The following SLIT1 variants were observed in gnomAD, a reference collection of about 807,000 sequenced individuals.
SLIT1 encodes slit homolog 1 protein.
A neutral mutation model predicts 186.1 loss-of-function variants in SLIT1; 66 were observed. That is an observed-to-expected ratio of 0.35 (90% CI 0.29 to 0.44). SLIT1 has a LOEUF of 0.44. Among genes scored for constraint, SLIT1 ranks in the 20% least tolerant of loss-of-function variants. The pLI is 1.00. For missense variants in SLIT1, 1,638 were observed against 2,037.4 expected (o/e 0.80, Z 3.77); for synonymous variants, 761 against 833.8 (o/e 0.91, Z 1.50).
chr10:97,131,802 C>T (rs992123434), intron 4 of SLIT1, among the ~76,000 whole-genome samples: 3 of 152,228 alleles, frequency 2.0e-5, no homozygotes, highest in African/African-American at 7.2e-5. Context: ...GTTTCAGGCA[C>T]CGTGCGGAGC....
chr10:97,138,763 G>A (rs1011889053), intron 4 of SLIT1, among the ~76,000 whole-genome samples: 15 of 152,182 alleles, frequency 9.9e-5, no homozygotes, highest in Admixed American at 5.9e-4. Flanking sequence ...GATTATGCTG[G>A]AACAGCATAA....
intron 25 of SLIT1, among the ~76,000 whole-genome samples, chr10:97,024,048 C>T (rs1307639498): frequency 6.6e-6 from 1 of 152,102 alleles, no homozygotes; most frequent in Non-Finnish European, 1.5e-5. Flanking sequence ...AATATGAATG[C>T]CTTATGCCTA....
intron 4 of SLIT1, chr10:97,101,940 C>T (rs746385352): frequency 1.3e-5 from 2 of 152,242 alleles, no homozygotes; most frequent in African/African-American, 2.4e-5. Context: ...CCTAACCCAG[C>T]TGGGATCCTG....
intron 1 of SLIT1, among the ~76,000 whole-genome samples, chr10:97,166,557 A>AAGAGAGAGAGAGAGAGAG: frequency 1.8e-5 from 1 of 55,218 alleles, no homozygotes; most frequent in East Asian, 7.1e-4. Context: ...GAAGGAAGGA[A>AAGAGAGAGAGAGAGAGAG]AGAGAGAGAG....
chr10:97,013,753 G>C lies in SLIT1; in HGVS notation c.3191C>G (p.Pro1064Arg). The C allele has an allele frequency of 6.4e-7, 1 of 1,551,328 alleles. No individual in the cohort carries two copies. The highest frequency in any genetic ancestry group is 8.7e-7 in the Non-Finnish European group (1 of 1,146,740). ...CQHEAQCVGT[P>R]DGPRCECMPG... ...GGGCAACACTCACCTGGGCCCATCC[G>C]GGGTGCCCACACACTGGGCCTCGTG... Residue 1064 changes from proline to arginine, a missense_variant, in exon 30 of 37, where the codon CCG (proline) becomes CGG (arginine). This residue lies in a region of SLIT1 where 1,245 missense variants were observed against 1,535.3 expected (regional missense o/e 0.81). Transcript: ENST00000266058.
intron 20 of SLIT1, among the ~76,000 whole-genome samples, chr10:97,042,620 T>C (rs1192673862): frequency 6.6e-6 from 1 of 152,212 alleles, no homozygotes; most frequent in Non-Finnish European, 1.5e-5. Context: ...GGAACTGTTT[T>C]CTCTGAGCGA....
chr10:97,018,148 G>A (rs1848470537), intron 28 of SLIT1, among the ~76,000 whole-genome samples: 1 of 152,060 alleles, frequency 6.6e-6, no homozygotes, highest in Admixed American at 6.6e-5. Flanking sequence ...AGCACGGCCT[G>A]AATGGAAATT....
intron 1 of SLIT1, among the ~76,000 whole-genome samples, chr10:97,174,860 A>AAAT (rs960772919): frequency 9.8e-5 from 15 of 152,316 alleles, no homozygotes; most frequent in African/African-American, 3.1e-4. Flanking sequence ...CTTTTTAAAA[A>AAAT]AATAATAATA....
chr10:97,155,308 T>C (rs1259181087), intron 4 of SLIT1: 1 of 152,410 alleles, frequency 6.6e-6, no homozygotes, highest in African/African-American at 2.4e-5. Context: ...CCAGGGGGGA[T>C]CCAGGTTTCC....
chr10:97,165,403 C>T (rs1381767437), intron 1 of SLIT1, among the ~76,000 whole-genome samples: 3 of 151,922 alleles, frequency 2.0e-5, no homozygotes, highest in African/African-American at 4.8e-5. Context: ...CTGCGAGTGC[C>T]GTATTCTAAG....
chr10:97,114,139 A>G (rs116370772), intron 4 of SLIT1, among the ~76,000 whole-genome samples: 1,665 of 152,286 alleles, frequency 0.011, 37 homozygotes, highest in African/African-American at 0.038. Flanking sequence ...GTCACAGTGT[A>G]ACTGTCTATG....
chr10:97,175,814 C>T (rs537487845), intron 1 of SLIT1, among the ~76,000 whole-genome samples: 9 of 152,252 alleles, frequency 5.9e-5, no homozygotes, highest in South Asian at 2.1e-4. Context: ...CACTGACCTC[C>T]GCCTGCACCA....
intron 1 of SLIT1, among the ~76,000 whole-genome samples, chr10:97,174,473 G>T (rs951580351): frequency 6.6e-6 from 1 of 152,184 alleles, no homozygotes; most frequent in African/African-American, 2.4e-5. Flanking sequence ...AACCCACCAG[G>T]CTGAGCCACA....
rs545807068 is a variant in SLIT1 at position 97,014,258 on chromosome 10, C to T, written c.2970-100G>A. Reference sequence around the variant, plus strand: ...TCACCATTCCACGGAGTTAGGGTCCCTAATCCCGGCCAGGCCCTTGCCAGG... The same window carrying T: ...TCACCATTCCACGGAGTTAGGGTCCTTAATCCCGGCCAGGCCCTTGCCAGG... On this transcript the variant is annotated intron_variant, in intron 28 of 36. Transcript: ENST00000266058. 80 of 1,404,742 alleles carry T rather than the reference C, an allele frequency of 5.7e-5. No homozygotes were observed. In the African/African-American group the frequency reaches 1.0e-3, roughly 18 times the overall value. 87.0% of individuals were successfully genotyped at this position (1,404,742 alleles called of 1,614,324 possible).
intron 4 of SLIT1, among the ~76,000 whole-genome samples, chr10:97,073,679 C>G (rs951283480): frequency 6.6e-6 from 1 of 152,278 alleles, no homozygotes; most frequent in Admixed American, 6.5e-5. Context: ...GGAGCACTCA[C>G]GGAGAGGCCA....
chr10:97,169,496 T>G lies in SLIT1; in HGVS notation c.198-4606A>C, dbSNP rs535812642. Reference sequence around the variant, plus strand: ...AGGACATTTTTCTGCTGCATCTGATTCCTCCAACAGGAGGTCCTCAATGTT... The same window carrying G: ...AGGACATTTTTCTGCTGCATCTGATGCCTCCAACAGGAGGTCCTCAATGTT... On this transcript the variant is annotated intron_variant, in intron 1 of 36. Transcript: ENST00000266058. Among the ~76,000 whole-genome samples, 3 of 152,296 alleles carry G rather than the reference T, an allele frequency of 2.0e-5. No individual in the cohort carries two copies. The South Asian group carries it at 6.2e-4, about 32-fold the overall frequency.
intron 4 of SLIT1, among the ~76,000 whole-genome samples, chr10:97,108,886 C>CAAAAA (rs11355026): frequency 4.3e-5 from 2 of 46,770 alleles, no homozygotes; most frequent in African/African-American, 9.2e-5. Context: ...GTCTCAGTCT[C>CAAAAA]AAAAAAAAAA....
intron 4 of SLIT1, among the ~76,000 whole-genome samples, chr10:97,124,909 T>C (rs1173200612): frequency 1.3e-5 from 2 of 152,100 alleles, no homozygotes; most frequent in African/African-American, 4.8e-5. Flanking sequence ...AATAGAGAAA[T>C]AGGCAAAGGA....
intron 4 of SLIT1, among the ~76,000 whole-genome samples, chr10:97,089,892 C>A (rs995949902): frequency 1.3e-5 from 2 of 152,198 alleles, no homozygotes; most frequent in African/African-American, 4.8e-5. Flanking sequence ...AGCTGGGTGA[C>A]TCTGAGCTTG....
Sources: gnomAD v4.1 joint callset for allele counts (sites outside exome capture counted in the v4.1 genomes callset) on GRCh38, gnomAD v4.1.1 for gene constraint, gnomAD v4.1.1 regional missense constraint, MANE v1.5 for transcripts, NCBI Gene and HGNC (gene_info 2026-07-23, HGNC 2026-07-21) for gene names.